Variants in TARBP1 observed in about 807,000 individuals in gnomAD.
TARBP1 encodes tRNA guanosine 2 -O-methyltransferase TARBP1, also known as tRNA (guanosine(18)-2'-O)-methyltransferase TARBP1.
TARBP1 carries 144 observed loss-of-function variants against 178.6 expected under a neutral mutation model. The ratio of observed to expected loss-of-function variants is 0.81; its 90% CI spans 0.70 to 0.93. The LOEUF (loss-of-function observed/expected upper bound fraction) is 0.93. TARBP1 is among the 40% of genes least tolerant of loss of function. The pLI is 0.00. For synonymous variants in TARBP1, 787 were observed against 781.0 expected, an observed-to-expected ratio of 1.01 and a Z score of -0.13; for missense variants, 2,067 against 2,011.7, an observed-to-expected ratio of 1.03 and a Z score of -0.53.
intron 21 of TARBP1, among the ~76,000 whole-genome samples, chr1:234,420,352 C>T (rs74397124): frequency 0.029 from 4,407 of 152,270 alleles, 96 homozygotes; most frequent in South Asian, 0.08. Context: ...AACAGTGTAA[C>T]ACTCCAAAAT....
chr1:234,395,964 T>G (rs1659895949), intron 26 of TARBP1, among the ~76,000 whole-genome samples: 1 of 152,144 alleles, frequency 6.6e-6, no homozygotes. Flanking sequence ...GATATGCTAA[T>G]TATCCTGATT....
intron 13 of TARBP1, among the ~76,000 whole-genome samples, chr1:234,434,897 G>A (rs1245890099): frequency 6.6e-6 from 1 of 152,144 alleles, no homozygotes; most frequent in African/African-American, 2.4e-5. Flanking sequence ...AAGCATGAGA[G>A]AATGACATCA....
At chr1:234,444,636 C>T (rs1026588351) in intron 12 of TARBP1, among the ~76,000 whole-genome samples, 4 of 152,124 alleles carry the variant, frequency 2.6e-5, no homozygotes, top group African/African-American at 9.7e-5. Context: ...GATGCTTATA[C>T]CCTGTCCTCA....
chr1:234,466,880 T>C (rs1045263465), intron 4 of TARBP1, among the ~76,000 whole-genome samples: 1 of 151,512 alleles, frequency 6.6e-6, no homozygotes, highest in Non-Finnish European at 1.5e-5. Flanking sequence ...AAAACAGCTA[T>C]TGAAAGAAAA....
At position 234,463,769 on chromosome 1, in the gene TARBP1, C is replaced by T. The variant is rs1668152484; in HGVS notation, c.1399+68G>A. On this transcript the variant is annotated intron_variant, in intron 6 of 29. Transcript: ENST00000040877. ...TATAATAGTTGATGGTGCTTATAAC[C>T]AATTTGCTAAAAAAAAAAGAAACTG... is the stretch of plus-strand genomic sequence containing the variant. 3 of 856,556 alleles carry T rather than the reference C, an allele frequency of 3.5e-6. No individual in the cohort carries two copies. The East Asian group carries it at 9.0e-5, about 26-fold the overall frequency. 53.1% of individuals were successfully genotyped at this position (856,556 alleles called of 1,614,324 possible). A position where few individuals can be genotyped will look rare whatever the true frequency, so the allele number is the denominator to read the frequency against.
intron 13 of TARBP1, among the ~76,000 whole-genome samples, chr1:234,433,993 T>A (rs1245265363): frequency 2.0e-5 from 3 of 152,220 alleles, no homozygotes; most frequent in Non-Finnish European, 4.4e-5. Context: ...ATAAGACAAC[T>A]AAGTTTCAGA....
At chr1:234,424,458 A>G (rs574824674) in intron 20 of TARBP1, among the ~76,000 whole-genome samples, 10 of 152,356 alleles carry the variant, frequency 6.6e-5, no homozygotes, top group Non-Finnish European at 1.3e-4. Context: ...TTAGACAAAC[A>G]TCACACACCC....
At chr1:234,398,171 T>TC (rs1189009383) in intron 26 of TARBP1, 1 of 353,082 alleles carries the variant, frequency 2.8e-6, no homozygotes, top group Non-Finnish European at 5.0e-6. Context: ...CTTTTTTTTT[T>TC]TTTTTAAATA....
Position 234,433,537 on chromosome 1 carries a change from A to G in TARBP1, c.2267T>C (p.Met756Thr). ...SDLDRCHLYL[M>T]VLTELINLHL... Reference sequence around the variant, plus strand: ...CAGATTTATAAGCTCAGTTAACACCATCAGGTATAAATGGCAACGATCCAG... The same window carrying G: ...CAGATTTATAAGCTCAGTTAACACCGTCAGGTATAAATGGCAACGATCCAG... Residue 756 changes from methionine (M) to threonine (T), a missense_variant, in exon 14 of 30, where the codon ATG becomes ACG. Transcript: ENST00000040877. 6.2e-7 allele frequency: 1 copy of G among 1,613,842 alleles called. No individual in the cohort carries two copies. Among genetic ancestry groups the G allele is most frequent in the African/African-American group, 1.3e-5 (1 of 75,036 alleles).
Position 234,429,114 on chromosome 1 carries a change from A to G in TARBP1, c.3060+22T>C, listed in dbSNP as rs758109108. ...GCTCACACACATGAAAAGAAAAGCAAAAAGAAAAGAAAGTTAGTTACCTCT... is the reference window on the plus strand; with the variant it reads ...GCTCACACACATGAAAAGAAAAGCAGAAAGAAAAGAAAGTTAGTTACCTCT... On this transcript the variant is annotated intron_variant, in intron 17 of 29. Transcript: ENST00000040877. 3.3e-6 allele frequency: 5 copies of G among 1,537,944 alleles called. No homozygotes were observed. The Admixed American group carries it at 9.2e-5, about 28-fold the overall frequency.
Position 234,392,478 on chromosome 1 carries a change from T to TGAAC in TARBP1, c.4634_4635insGTTC (p.Thr1546PhefsTer15). Reference sequence around the variant, plus strand: ...GGGTTAGGTCTAAACTTTTGGCAGTTTGTTCCACTCCAATGATGGTATAAC... The same window carrying TGAAC: ...GGGTTAGGTCTAAACTTTTGGCAGTTGAACTGTTCCACTCCAATGATGGTATAAC... On this transcript the variant is annotated frameshift_variant, in exon 29 of 30. Transcript: ENST00000040877. LOFTEE classifies it high-confidence loss of function. The TGAAC allele has an allele frequency of 6.2e-7, 1 of 1,614,216 alleles. No individual in the cohort carries two copies. The highest frequency in any genetic ancestry group is 1.1e-5 in the South Asian group (1 of 91,090).
Position 234,478,474 on chromosome 1 carries a change from C to T in TARBP1, c.630G>A (p.Val210=). 2 of 1,382,300 alleles carry T rather than the reference C, an allele frequency of 1.4e-6. No homozygotes were observed. Among genetic ancestry groups the T allele is most frequent in the East Asian group, 3.4e-5 (1 of 29,792 alleles). 85.6% of individuals were successfully genotyped at this position (1,382,300 alleles called of 1,614,324 possible). Residue 210 remains valine, a synonymous_variant, in exon 1 of 30, where the codon GTG becomes GTA. Coordinates refer to ENST00000040877, the MANE Select transcript of TARBP1 (RefSeq NM_005646.4). ...VQCGGAALRA[V]WGGLAAPGAS... is the part of the protein sequence containing the mutation. ...CCCCAGGCGCGGCCAGCCCGCCCCA[C>T]ACGGCCCGCAGCGCCGCCCCGCCAC...
At chr1:234,437,214 T>C in intron 13 of TARBP1, 61 bp downstream of exon 13, 1 of 910,262 alleles carries the variant, frequency 1.1e-6, no homozygotes, top group East Asian at 2.7e-5. Flanking sequence ...CAGTAATCAC[T>C]CAAATATTGG....
At chr1:234,410,734 AG>A (rs1661723149) in intron 22 of TARBP1, among the ~76,000 whole-genome samples, 2 of 152,240 alleles carry the variant, frequency 1.3e-5, no homozygotes, top group Admixed American at 1.3e-4. Context: ...GCCAAATGCC[AG>A]TGCACACAAA....
intron 22 of TARBP1, 138 bp from the exon 23 acceptor site, chr1:234,410,669 G>GA (rs1661716928): frequency 1.7e-6 from 1 of 577,808 alleles, no homozygotes; most frequent in East Asian, 3.2e-5. Flanking sequence ...GTCTGGGTGG[G>GA]AAGGGGGCTG....
At chr1:234,421,490 T>G (rs895641801) in intron 20 of TARBP1, among the ~76,000 whole-genome samples, 2 of 149,500 alleles carry the variant, frequency 1.3e-5, no homozygotes, top group Non-Finnish European at 3.0e-5. Context: ...CATACTACCA[T>G]GTACCTCACA....
Position 234,433,519 on chromosome 1 carries a change from A to G in TARBP1, c.2285T>C (p.Ile762Thr). The G allele has an allele frequency of 6.2e-7, 1 of 1,614,122 alleles. No homozygotes were observed. The highest frequency in any genetic ancestry group is 8.5e-7 in the Non-Finnish European group (1 of 1,180,016). Residue 762 changes from isoleucine (I) to threonine (T), a missense_variant, in exon 14 of 30, where the codon ATA becomes ACA. By Grantham distance (89) the Ile-to-Thr change is moderately conservative. Transcript: ENST00000040877. ...HLYLMVLTEL[I>T]NLHLKVGWKR... The stretch of plus-strand genomic sequence containing the variant: ...CCACCCAACCTTCAAATGCAGATTT[A>G]TAAGCTCAGTTAACACCATCAGGTA...
intron 22 of TARBP1, among the ~76,000 whole-genome samples, chr1:234,412,704 T>C (rs1241067184): frequency 3.3e-5 from 5 of 151,958 alleles, no homozygotes; most frequent in African/African-American, 1.2e-4. Context: ...GAGAGAGTTA[T>C]CTAGATAAAG....
chr1:234,413,700 T>C (rs550401846), intron 22 of TARBP1, among the ~76,000 whole-genome samples: 91 of 152,162 alleles, frequency 6.0e-4, no homozygotes, highest in South Asian at 2.9e-3. Context: ...GGGTCACCTG[T>C]TGAAATTCTC....
Sources: allele counts gnomAD v4.1 joint callset (sites outside exome capture counted in the v4.1 genomes callset), GRCh38; gene constraint gnomAD v4.1.1; transcripts MANE v1.5; gene names NCBI Gene and HGNC (gene_info 2026-07-23, HGNC 2026-07-21).